Variants in MOB3B observed in about 807,000 individuals in gnomAD.
MOB3B encodes MOB kinase activator 3B, also known as MOB kinase activator-like 2B.
In MOB3B, 7 loss-of-function variants were observed where a neutral mutation model predicts 18.7. That is an observed-to-expected ratio of 0.37 (90% confidence interval 0.21 to 0.70). The LOEUF (loss-of-function observed/expected upper bound fraction) is 0.70. Among genes scored for constraint, MOB3B ranks in the 30% least tolerant of loss-of-function variants. The pLI, the probability that MOB3B is intolerant of heterozygous loss-of-function variation, is 0.52. For synonymous variants in MOB3B, 111 were observed against 99.9 expected (o/e 1.11, Z -0.66); for missense variants, 253 against 281.3 (o/e 0.90, Z 0.72).
chr9:27,383,550 T>G (rs766052087), intron 2 of MOB3B, among the ~76,000 whole-genome samples: 2 of 152,168 alleles, frequency 1.3e-5, no homozygotes, highest in Non-Finnish European at 2.9e-5. Flanking sequence ...CAGAATGGAC[T>G]TGGGGTGGCT....
At chr9:27,524,613 C>G in intron 1 of MOB3B, 1 of 1,614,096 alleles carries the variant, frequency 6.2e-7, no homozygotes, top group African/African-American at 1.3e-5. Flanking sequence ...AATGTCCCTA[C>G]AGGCCTTCAA....
chr9:27,464,554 T>C (rs1324020459), intron 1 of MOB3B, among the ~76,000 whole-genome samples: 3 of 152,198 alleles, frequency 2.0e-5, no homozygotes, highest in Non-Finnish European at 4.4e-5. Flanking sequence ...ATTTAACACA[T>C]TACATTCCTG....
chr9:27,347,949 G>C (rs1402641739), intron 3 of MOB3B, among the ~76,000 whole-genome samples: 1 of 152,164 alleles, frequency 6.6e-6, no homozygotes, highest in Non-Finnish European at 1.5e-5. Context: ...TGGCAAAGTT[G>C]CCTAAAGACA....
chr9:27,349,397 C>A (rs544695302), intron 3 of MOB3B, among the ~76,000 whole-genome samples: 4 of 152,200 alleles, frequency 2.6e-5, no homozygotes, highest in African/African-American at 9.6e-5. Flanking sequence ...ATAAATAAAA[C>A]CTTCCTTCAT....
chr9:27,491,796 C>T (rs1819823948), intron 1 of MOB3B, among the ~76,000 whole-genome samples: 1 of 152,102 alleles, frequency 6.6e-6, no homozygotes, highest in Non-Finnish European at 1.5e-5. Flanking sequence ...TGGCGTGAAC[C>T]AGGAAGGCGG....
chr9:27,412,535 G>T (rs1822086300), intron 2 of MOB3B, among the ~76,000 whole-genome samples: 1 of 152,106 alleles, frequency 6.6e-6, no homozygotes, highest in African/African-American at 2.4e-5. Context: ...TCTCTTGTTT[G>T]GTTTTCCTTC....
intron 1 of MOB3B, among the ~76,000 whole-genome samples, chr9:27,480,349 G>A (rs545359639): frequency 9.2e-4 from 139 of 151,282 alleles, no homozygotes; most frequent in Middle Eastern, 7.0e-3. Context: ...ACCCAGGCTG[G>A]AGTGCAGTGA....
chr9:27,517,829 A>G (rs1226016520), intron 1 of MOB3B, among the ~76,000 whole-genome samples: 1 of 152,054 alleles, frequency 6.6e-6, no homozygotes, highest in Non-Finnish European at 1.5e-5. Context: ...AAGAAAACAA[A>G]CAAGTAAGTG....
At chr9:27,373,362 C>T (rs1821448665) in intron 2 of MOB3B, among the ~76,000 whole-genome samples, 3 of 152,216 alleles carry the variant, frequency 2.0e-5, no homozygotes, top group Admixed American at 6.5e-5. Context: ...TTTGTTTGTT[C>T]ATTAACTAAT....
At chr9:27,428,609 G>T (rs1458731872) in intron 2 of MOB3B, among the ~76,000 whole-genome samples, 1 of 152,216 alleles carries the variant, frequency 6.6e-6, no homozygotes, top group Non-Finnish European at 1.5e-5. Context: ...TAAACAGAAG[G>T]AAGTTATTTT....
At chr9:27,389,311 C>A (rs940946392) in intron 2 of MOB3B, among the ~76,000 whole-genome samples, 1 of 148,198 alleles carries the variant, frequency 6.7e-6, no homozygotes, top group South Asian at 2.3e-4. Flanking sequence ...GGCTGAGAAC[C>A]ACTGCTTTAT....
intron 3 of MOB3B, among the ~76,000 whole-genome samples, chr9:27,336,035 T>C (rs552428646): frequency 1.0e-3 from 152 of 152,104 alleles, no homozygotes; most frequent in African/African-American, 2.9e-3. Flanking sequence ...AAATGAGAGG[T>C]GGAAGGAAAC....
At chr9:27,467,808 C>T (rs1274638958) in intron 1 of MOB3B, among the ~76,000 whole-genome samples, 3 of 152,240 alleles carry the variant, frequency 2.0e-5, no homozygotes, top group South Asian at 2.1e-4. Context: ...CTCACCAGTG[C>T]TACATGGGAA....
At chr9:27,495,291 A>G (rs949002143) in intron 1 of MOB3B, among the ~76,000 whole-genome samples, 5 of 152,122 alleles carry the variant, frequency 3.3e-5, no homozygotes, top group African/African-American at 1.2e-4. Flanking sequence ...TGATTGTACC[A>G]CCACACTCCA....
At chr9:27,501,504 AAAGCCAAACACTGC>A (rs888332020) in intron 1 of MOB3B, among the ~76,000 whole-genome samples, 2 of 151,412 alleles carry the variant, frequency 1.3e-5, no homozygotes, top group African/African-American at 4.8e-5. Flanking sequence ...ACAAGGACAG[AAAGCCAAACACTGC>A]ATGTTCTCAC....
intron 2 of MOB3B, among the ~76,000 whole-genome samples, chr9:27,388,292 C>T (rs1280882914): frequency 6.6e-6 from 1 of 152,134 alleles, no homozygotes; most frequent in Non-Finnish European, 1.5e-5. Context: ...GGTGATGCAG[C>T]AATGATTTAT....
At chr9:27,524,579 G>T (rs765892377) in intron 1 of MOB3B, 31 of 1,614,024 alleles carry the variant, frequency 1.9e-5, no homozygotes, top group Non-Finnish European at 2.6e-5. Context: ...CTATGAAGAG[G>T]GACATCAAGA....
chr9:27,388,914 C>G (rs548284769), intron 2 of MOB3B, among the ~76,000 whole-genome samples: 1 of 152,170 alleles, frequency 6.6e-6, no homozygotes, highest in Non-Finnish European at 1.5e-5. Flanking sequence ...TTTCCTCTTC[C>G]CTCTACTGCC....
rs577057763 is a variant in MOB3B at position 27,395,489 on chromosome 9, C to G, written c.419-36253G>C. Among the ~76,000 whole-genome samples the G allele has an allele frequency of 5.6e-4, 85 of 152,110 alleles. 1 individual carries two copies. The highest frequency in any genetic ancestry group is 7.5e-4 in the African/African-American group (31 of 41,498). On this transcript the variant is annotated intron_variant, in intron 2 of 3. Transcript: ENST00000262244. ...AAGACTGTTGATAGGTTGGTATGCC[C>G]CAGACAGAGAGAGGCAGGTTCTATC...
Sources: gnomAD v4.1 joint callset for allele counts (sites outside exome capture counted in the v4.1 genomes callset) on GRCh38, gnomAD v4.1.1 for gene constraint, MANE v1.5 for transcripts, NCBI Gene and HGNC (gene_info 2026-07-23, HGNC 2026-07-21) for gene names.